The following CHRM2 variants were observed in gnomAD, a reference collection of about 807,000 sequenced individuals.
CHRM2 encodes muscarinic acetylcholine receptor M2.
A neutral mutation model predicts 25.0 loss-of-function variants in CHRM2; 8 were observed. The ratio of observed to expected loss-of-function variants is 0.32; its 90% CI spans 0.19 to 0.58. The LOEUF is 0.58. Ranked by LOEUF, CHRM2 falls within the 20% of genes least tolerant of loss-of-function variation. The pLI is 0.88. For missense variants in CHRM2, 440 were observed against 567.1 expected (o/e 0.78, Z 2.28); for synonymous variants, 202 against 205.7 (o/e 0.98, Z 0.15).
chr7:136,962,214 C>T (rs929012650), intron 2 of CHRM2, among the ~76,000 whole-genome samples: 1 of 151,956 alleles, frequency 6.6e-6, no homozygotes, highest in Admixed American at 6.6e-5. Flanking sequence ...CTCACTGCAA[C>T]CTCTGTCTCT....
intron 2 of CHRM2, among the ~76,000 whole-genome samples, chr7:136,991,663 T>G (rs1584889289): frequency 6.6e-6 from 1 of 152,120 alleles, no homozygotes; most frequent in Admixed American, 6.6e-5. Context: ...TTTTCATAGA[T>G]ATTTATATAG....
At chr7:136,954,277 T>C (rs1159755665) in intron 2 of CHRM2, among the ~76,000 whole-genome samples, 1 of 152,190 alleles carries the variant, frequency 6.6e-6, no homozygotes, top group Admixed American at 6.5e-5. Context: ...TTTTAAAAAG[T>C]TGGTGGTCTG....
chr7:136,894,800 T>C (rs984904867), intron 2 of CHRM2, among the ~76,000 whole-genome samples: 1 of 152,250 alleles, frequency 6.6e-6, no homozygotes, highest in African/African-American at 2.4e-5. Flanking sequence ...CACTTAGCTA[T>C]GGCCATCCAT....
At chr7:136,887,433 A>T (rs1205648599) in intron 2 of CHRM2, among the ~76,000 whole-genome samples, 1 of 152,132 alleles carries the variant, frequency 6.6e-6, no homozygotes, top group Admixed American at 6.5e-5. Context: ...TTGAATGAGA[A>T]TCCAGATGGC....
chr7:136,953,961 G>A (rs1051102260), intron 2 of CHRM2, among the ~76,000 whole-genome samples: 2 of 152,112 alleles, frequency 1.3e-5, no homozygotes, highest in Non-Finnish European at 2.9e-5. Flanking sequence ...CATGGTGAGA[G>A]GAGATCTTGG....
chr7:136,938,170 A>G, intron 2 of CHRM2: 1 of 709,202 alleles, frequency 1.4e-6, no homozygotes, highest in South Asian at 1.4e-5. Flanking sequence ...ATCTCTGCCC[A>G]CTCTTCTGGA....
intron 2 of CHRM2, among the ~76,000 whole-genome samples, chr7:136,980,905 T>C (rs1802442971): frequency 1.3e-5 from 2 of 152,164 alleles, no homozygotes; most frequent in Admixed American, 6.5e-5. Flanking sequence ...GAAATTTTCT[T>C]TCTTTTGTGT....
At chr7:136,933,399 A>T (rs1409621533) in intron 2 of CHRM2, among the ~76,000 whole-genome samples, 2 of 152,230 alleles carry the variant, frequency 1.3e-5, no homozygotes, top group African/African-American at 4.8e-5. Flanking sequence ...TATTTCATAC[A>T]CACCAGGAGA....
chr7:136,961,860 T>C (rs566015598), intron 2 of CHRM2, among the ~76,000 whole-genome samples: 1 of 151,828 alleles, frequency 6.6e-6, no homozygotes, highest in Non-Finnish European at 1.5e-5. Flanking sequence ...GAGAAGAAAG[T>C]AGAGGAGAAG....
At position 136,981,764 on chromosome 7, in the gene CHRM2, G is replaced by A. The variant is rs532434201; in HGVS notation, c.-124-10423G>A. On this transcript the variant is annotated intron_variant, in intron 2 of 3. Coordinates refer to ENST00000680005, the MANE Select transcript of CHRM2 (RefSeq NM_001006630.2). ...TCCATGTAGTCGTGTGGTTTTGAGT[G>A]AGTTTCTTAATCCTGAGTTCTAATT... 2.8e-4 allele frequency among the ~76,000 whole-genome samples: 43 copies of A among 152,270 alleles called. No individual in the cohort carries two copies. In the South Asian group the frequency reaches 8.9e-3, roughly 32 times the overall value.
chr7:136,975,997 AT>A (rs750413589), intron 2 of CHRM2, among the ~76,000 whole-genome samples: 36 of 152,198 alleles, frequency 2.4e-4, no homozygotes, highest in Admixed American at 3.9e-4. Flanking sequence ...CAGATAAGGT[AT>A]TATGATTACA....
At chr7:136,903,288 A>C (rs755146992) in intron 2 of CHRM2, 1 of 530,874 alleles carries the variant, frequency 1.9e-6, no homozygotes, top group Non-Finnish European at 3.9e-6. Context: ...AGCAGCGGAC[A>C]CTTCCAACTC....
At chr7:136,924,834 T>C (rs1311423883) in intron 2 of CHRM2, among the ~76,000 whole-genome samples, 1 of 152,182 alleles carries the variant, frequency 6.6e-6, no homozygotes, top group Non-Finnish European at 1.5e-5. Context: ...TTCATAACTT[T>C]CATCCGTTTT....
At chr7:136,952,049 T>C (rs921029306) in intron 2 of CHRM2, among the ~76,000 whole-genome samples, 1 of 152,144 alleles carries the variant, frequency 6.6e-6, no homozygotes, top group African/African-American at 2.4e-5. Context: ...AATGCTAAAC[T>C]GAAATTCCAG....
chr7:136,951,221 A>T (rs1444350453), intron 2 of CHRM2: 10 of 152,208 alleles, frequency 6.6e-5, no homozygotes, highest in Admixed American at 6.5e-4. Context: ...TTCTTTTAAT[A>T]GAAATGAGGC....
At chr7:136,901,117 T>C (rs1797181111) in intron 2 of CHRM2, among the ~76,000 whole-genome samples, 1 of 152,024 alleles carries the variant, frequency 6.6e-6, no homozygotes, top group Non-Finnish European at 1.5e-5. Flanking sequence ...TGCAAGCCAG[T>C]AGATTGTCCT....
chr7:136,936,489 G>A (rs1799419049), intron 2 of CHRM2, among the ~76,000 whole-genome samples: 1 of 152,066 alleles, frequency 6.6e-6, no homozygotes, highest in African/African-American at 2.4e-5. Flanking sequence ...TGTAAAAATT[G>A]TCTTAAAATG....
intron 2 of CHRM2, among the ~76,000 whole-genome samples, chr7:136,987,551 G>T (rs1438210690): frequency 1.3e-5 from 2 of 152,160 alleles, no homozygotes; most frequent in East Asian, 3.9e-4. Context: ...TACTTAACAT[G>T]GTCCTCACAG....
At chr7:136,974,498 G>T (rs1407153780) in intron 2 of CHRM2, among the ~76,000 whole-genome samples, 1 of 152,150 alleles carries the variant, frequency 6.6e-6, no homozygotes, top group East Asian at 1.9e-4. Context: ...TTTTAGCAAA[G>T]ACTTGGAGGG....
Sources: allele counts gnomAD v4.1 joint callset (sites outside exome capture counted in the v4.1 genomes callset), GRCh38; gene constraint gnomAD v4.1.1; transcripts MANE v1.5; gene names NCBI Gene and HGNC (gene_info 2026-07-23, HGNC 2026-07-21).